MSL2: variants seen among roughly 807,000 people sequenced by gnomAD.
MSL2 encodes MSL complex subunit 2.
Under a neutral mutation model 35.8 loss-of-function variants are expected in MSL2, and 2 were observed. The ratio of observed to expected loss-of-function variants is 0.06; its 90% CI spans 0.02 to 0.18. The LOEUF is 0.18. Among genes scored for constraint, MSL2 ranks in the 10% least tolerant of loss-of-function variants. MSL2 has a pLI of 1.00. For missense variants in MSL2, 523 were observed against 706.7 expected (o/e 0.74, Z 2.95); for synonymous variants, 296 against 255.7 (o/e 1.16, Z -1.50).
In MSL2 at chr3:136,195,134, T is replaced by A. The variant is rs368825672; in HGVS notation, c.-21A>T. On this transcript the variant is annotated 5_prime_UTR_variant, in exon 1 of 2. Transcript: ENST00000309993. ...TTCATTGCAGACACTTCGACACCAA[T>A]GGCTCCCGGTTGAAAAGAAATTCCG... 4 of 1,573,286 alleles carry A rather than the reference T, an allele frequency of 2.5e-6. No individual in the cohort carries two copies. Among genetic ancestry groups the A allele is most frequent in the Non-Finnish European group, 2.6e-6 (3 of 1,161,524 alleles).
rs60877513 is a variant in MSL2 at position 136,155,907 on chromosome 3, A to G, written c.143-3169T>C. ...GGCTGTGATGGCCTTGTGATGGATG[A>G]GCACCTCATGGTTTCCAATACTCCA... On this transcript the variant is annotated intron_variant, in intron 1 of 1. Coordinates refer to ENST00000309993, the MANE Select transcript of MSL2 (RefSeq NM_018133.4). 901 of 565,100 alleles carry G rather than the reference A, an allele frequency of 1.6e-3. 9 individuals carry two copies. The African/African-American group carries it at 0.016, about 10-fold the overall frequency. The allele number at this position is 565,100 out of a possible 1,614,324, so 35.0% of individuals were successfully genotyped here. A position where few individuals can be genotyped will look rare whatever the true frequency, so the allele number is the denominator to read the frequency against.
intron 1 of MSL2, among the ~76,000 whole-genome samples, chr3:136,191,378 G>A (rs775810318): frequency 2.0e-5 from 3 of 150,224 alleles, no homozygotes; most frequent in African/African-American, 7.4e-5. Flanking sequence ...TGAGGCAGGA[G>A]AATCACTTGA....
intron 1 of MSL2, among the ~76,000 whole-genome samples, chr3:136,183,579 T>C (rs1302498116): frequency 1.3e-5 from 2 of 152,082 alleles, no homozygotes; most frequent in African/African-American, 4.8e-5. Context: ...GCACCAACCA[T>C]GTCCAGCTAA....
At chr3:136,153,357 G>T (rs1432559420) in intron 1 of MSL2, among the ~76,000 whole-genome samples, 1 of 152,150 alleles carries the variant, frequency 6.6e-6, no homozygotes, top group Admixed American at 6.5e-5. Context: ...GAGTAAGAGA[G>T]ATTTAGTCCC....
At position 136,195,346 on chromosome 3, in the gene MSL2, G is replaced by C. The variant is rs559027819; in HGVS notation, c.-233C>G. 13 of 1,308,512 alleles carry C rather than the reference G, an allele frequency of 9.9e-6. No homozygotes were observed. Among genetic ancestry groups the C allele is most frequent in the South Asian group, 7.6e-5 (4 of 52,680 alleles). 81.1% of individuals were successfully genotyped at this position (1,308,512 alleles called of 1,614,324 possible). A position where few individuals can be genotyped will look rare whatever the true frequency, so the allele number is the denominator to read the frequency against. Reference sequence around the variant, plus strand: ...AGACTTCCAGACCAAAAATATGAGAGAGAAACCAGCGTTCGAGTTCGTCCG... The same window carrying C: ...AGACTTCCAGACCAAAAATATGAGACAGAAACCAGCGTTCGAGTTCGTCCG... On this transcript the variant is annotated 5_prime_UTR_variant, in exon 1 of 2. Coordinates refer to ENST00000309993, the MANE Select transcript of MSL2 (RefSeq NM_018133.4).
intron 1 of MSL2, among the ~76,000 whole-genome samples, chr3:136,185,120 A>C (rs1249886887): frequency 1.3e-5 from 2 of 151,996 alleles, no homozygotes; most frequent in Admixed American, 1.3e-4. Context: ...GATTACAGGC[A>C]TGCGCCACCA....
intron 1 of MSL2, among the ~76,000 whole-genome samples, chr3:136,180,784 G>GGAA (rs1940323853): frequency 7.1e-5 from 4 of 56,686 alleles, no homozygotes; most frequent in African/African-American, 3.2e-4. Context: ...GAGGGAGGGA[G>GGAA]GGAGGGAGGG....
chr3:136,183,587 T>C (rs1464597599), intron 1 of MSL2, among the ~76,000 whole-genome samples: 1 of 152,130 alleles, frequency 6.6e-6, no homozygotes, highest in Non-Finnish European at 1.5e-5. Context: ...CATGTCCAGC[T>C]AATTTTTGTA....
At chr3:136,157,503 A>G (rs539048322) in intron 1 of MSL2, among the ~76,000 whole-genome samples, 5 of 152,304 alleles carry the variant, frequency 3.3e-5, no homozygotes, top group Admixed American at 3.3e-4. Flanking sequence ...CTCCAACTCA[A>G]AAAAACGAAA....
chr3:136,169,757 C>T (rs937741944), intron 1 of MSL2, among the ~76,000 whole-genome samples: 25 of 151,616 alleles, frequency 1.6e-4, no homozygotes, highest in African/African-American at 5.6e-4. Context: ...CCAGCCTCTA[C>T]GTGTTTTGAA....
In MSL2 at chr3:136,151,790, G is replaced by T. The variant is rs751687683; in HGVS notation, c.1091C>A (p.Pro364Gln). Reference protein sequence around the residue: ...PLPISTIIRGPTLGASAPVTV... With the variant: ...PLPISTIIRGQTLGASAPVTV... ...CACAGGAGCAGATGCCCCCAGTGTT[G>T]GGCCTCGGATAATGGTAGAAATTGG... Residue 364 changes from proline to glutamine, a missense_variant, in exon 2 of 2, where the codon CCA (proline) becomes CAA (glutamine). Pro to Gln is a moderately conservative substitution (Grantham distance 76). This residue lies in a region of MSL2 where 361 missense variants were observed against 414.6 expected (regional missense o/e 0.87). Coordinates refer to ENST00000309993, the MANE Select transcript of MSL2 (RefSeq NM_018133.4). This position sits in a 1 kb window ranked among gnomAD's most constrained non-coding sequence, Gnocchi z 5.2. The T allele has an allele frequency of 6.2e-7, 1 of 1,614,144 alleles. No individual in the cohort carries two copies. Among genetic ancestry groups the T allele is most frequent in the Non-Finnish European group, 8.5e-7 (1 of 1,180,026 alleles).
chr3:136,193,663 A>ATT (rs971224500), intron 1 of MSL2, among the ~76,000 whole-genome samples: 2 of 152,106 alleles, frequency 1.3e-5, no homozygotes, highest in Admixed American at 6.5e-5. Context: ...ATACACTTAC[A>ATT]TTTGTAAAAC....
At chr3:136,194,211 C>A (rs1209682878) in intron 1 of MSL2, among the ~76,000 whole-genome samples, 4 of 152,156 alleles carry the variant, frequency 2.6e-5, no homozygotes, top group Non-Finnish European at 5.9e-5. Context: ...GCACAGTTAA[C>A]ATTCAAATTA....
In MSL2 at chr3:136,152,025, A is replaced by G. The variant is rs747832686; in HGVS notation, c.856T>C (p.Cys286Arg). 1 of 1,614,226 alleles carries G rather than the reference A, an allele frequency of 6.2e-7. No homozygotes were observed. Among genetic ancestry groups the G allele is most frequent in the Non-Finnish European group, 8.5e-7 (1 of 1,180,036 alleles). Residue 286 changes from cysteine (C) to arginine (R), a missense_variant, in exon 2 of 2, where the codon TGT (cysteine) becomes CGT (arginine). Coordinates refer to ENST00000309993, the MANE Select transcript of MSL2 (RefSeq NM_018133.4). The part of the protein sequence containing the change: ...SLETVSNTEV[C>R]CPNLQPNLEA... ...AAGTTCGGCTGCAAATTAGGGCAAC[A>G]GACCTCTGTATTTGAAACAGTTTCT...
chr3:136,166,459 G>T (rs79221914), intron 1 of MSL2, among the ~76,000 whole-genome samples: 1 of 151,914 alleles, frequency 6.6e-6, no homozygotes, highest in African/African-American at 2.4e-5. Context: ...AAAAAAATTT[G>T]TTAAGTAATA....
At chr3:136,170,505 GTCCT>G (rs1939994556) in intron 1 of MSL2, among the ~76,000 whole-genome samples, 1 of 134,204 alleles carries the variant, frequency 7.5e-6, no homozygotes, top group Non-Finnish European at 1.6e-5. Context: ...AAAAAACTCT[GTCCT>G]TTTTTTTTTT....
intron 1 of MSL2, among the ~76,000 whole-genome samples, chr3:136,157,060 A>G (rs1403801462): frequency 2.0e-5 from 3 of 152,208 alleles, no homozygotes; most frequent in Non-Finnish European, 4.4e-5. Context: ...TAAAAAAGCA[A>G]AGTCTCAAGT....
At chr3:136,194,283 T>C (rs1326891936) in intron 1 of MSL2, 1 of 316,658 alleles carries the variant, frequency 3.2e-6, no homozygotes, top group Non-Finnish European at 4.6e-6. Context: ...AAAATTAAAG[T>C]ATCCTACCCA....
intron 1 of MSL2, among the ~76,000 whole-genome samples, chr3:136,184,189 G>A (rs972788265): frequency 6.6e-5 from 10 of 152,026 alleles, no homozygotes; most frequent in South Asian, 6.2e-4. Context: ...CCAGCTACTC[G>A]GGAGGCTGAG....
Sources: gnomAD v4.1 joint callset for allele counts (sites outside exome capture counted in the v4.1 genomes callset) on GRCh38, gnomAD v4.1.1 for gene constraint, gnomAD v4.1.1 regional missense constraint, Gnocchi (gnomAD v3.1) non-coding constraint, MANE v1.5 for transcripts, NCBI Gene and HGNC (gene_info 2026-07-23, HGNC 2026-07-21) for gene names.